The following PLCB1 variants were observed in gnomAD, a reference collection of about 807,000 sequenced individuals.
PLCB1 encodes the protein phospholipase C beta 1.
Under a neutral mutation model 161.8 loss-of-function variants are expected in PLCB1, and 46 were observed. That is an observed-to-expected ratio of 0.28 (90% CI 0.22 to 0.36). The LOEUF (loss-of-function observed/expected upper bound fraction) is 0.36, where lower values mean the gene tolerates loss of function less well. PLCB1 is among the 10% of genes least tolerant of loss of function. The pLI is 1.00. For missense variants in PLCB1, 1,016 were observed against 1,472.5 expected, an observed-to-expected ratio of 0.69 and a Z score of 5.07; for synonymous variants, 517 against 503.7, an observed-to-expected ratio of 1.03 and a Z score of -0.35.
At chr20:8,365,098 T>G (rs1986664217) in intron 2 of PLCB1, among the ~76,000 whole-genome samples, 1 of 152,202 alleles carries the variant, frequency 6.6e-6, no homozygotes, top group Non-Finnish European at 1.5e-5. Context: ...GCTTGCTAAG[T>G]GGAGATCTTA....
intron 9 of PLCB1, among the ~76,000 whole-genome samples, chr20:8,664,617 G>A (rs973663672): frequency 4.6e-5 from 7 of 152,158 alleles, no homozygotes; most frequent in African/African-American, 1.7e-4. Flanking sequence ...GTTGAAAAAC[G>A]GCAGAAACTT....
chr20:8,494,583 A>T (rs2122786855), intron 3 of PLCB1, among the ~76,000 whole-genome samples: 1 of 152,338 alleles, frequency 6.6e-6, no homozygotes, highest in South Asian at 2.1e-4. Context: ...AGAGGAGAGA[A>T]AAACAGGCTT....
chr20:8,756,527 A>G (rs943040637), intron 23 of PLCB1, among the ~76,000 whole-genome samples: 5 of 152,200 alleles, frequency 3.3e-5, no homozygotes, highest in African/African-American at 1.2e-4. Context: ...GATCCAGACC[A>G]GACTCATAGA....
chr20:8,747,447 G>C (rs1448192964), intron 23 of PLCB1, among the ~76,000 whole-genome samples: 1 of 152,174 alleles, frequency 6.6e-6, no homozygotes, highest in African/African-American at 2.4e-5. Context: ...AACATCGTCT[G>C]TTTCATCCTG....
intron 1 of PLCB1, among the ~76,000 whole-genome samples, chr20:8,144,758 A>G (rs926298775): frequency 2.0e-5 from 3 of 151,986 alleles, no homozygotes; most frequent in African/African-American, 7.3e-5. Flanking sequence ...CAGTGTCTCT[A>G]TTTGCTGTAT....
intron 18 of PLCB1, among the ~76,000 whole-genome samples, chr20:8,732,692 GA>G: frequency 7.1e-6 from 1 of 141,378 alleles, no homozygotes; most frequent in East Asian, 2.0e-4. Context: ...TTATATATTA[GA>G]ATGATATATT....
chr20:8,446,243 G>A (rs907269493), intron 3 of PLCB1, among the ~76,000 whole-genome samples: 1 of 152,158 alleles, frequency 6.6e-6, no homozygotes, highest in African/African-American at 2.4e-5. Context: ...GGGATGCAAG[G>A]CTGGTTCAAC....
chr20:8,293,867 A>C (rs1370591278), intron 2 of PLCB1, among the ~76,000 whole-genome samples: 1 of 152,166 alleles, frequency 6.6e-6, no homozygotes, highest in Non-Finnish European at 1.5e-5. Context: ...GTGAGTGGGC[A>C]CAGATGCCAT....
intron 31 of PLCB1, among the ~76,000 whole-genome samples, chr20:8,799,416 G>T (rs1274767960): frequency 6.6e-6 from 1 of 151,972 alleles, no homozygotes; most frequent in Non-Finnish European, 1.5e-5. Context: ...AAACCTTTTG[G>T]GTTTATTTCC....
At chr20:8,693,865 C>T (rs2123419665) in intron 10 of PLCB1, among the ~76,000 whole-genome samples, 1 of 152,270 alleles carries the variant, frequency 6.6e-6, no homozygotes, top group African/African-American at 2.4e-5. Flanking sequence ...AGAGCTGTGA[C>T]TTGGGGCAGT....
At chr20:8,521,037 A>G (rs1217543261) in intron 3 of PLCB1, among the ~76,000 whole-genome samples, 1 of 152,204 alleles carries the variant, frequency 6.6e-6, no homozygotes, top group Non-Finnish European at 1.5e-5. Context: ...AATAGCAGAT[A>G]TATCTAAGCT....
At chr20:8,307,582 G>A (rs6055726) in intron 2 of PLCB1, among the ~76,000 whole-genome samples, 1 of 151,926 alleles carries the variant, frequency 6.6e-6, no homozygotes, top group South Asian at 2.1e-4. Flanking sequence ...TTTTGGTTCA[G>A]CACTTCCCCA....
chr20:8,511,742 G>T (rs1983902687), intron 3 of PLCB1, among the ~76,000 whole-genome samples: 1 of 152,086 alleles, frequency 6.6e-6, no homozygotes, highest in African/African-American at 2.4e-5. Flanking sequence ...ATATCTCACT[G>T]TTGTTTTAAT....
At chr20:8,572,520 T>C (rs922949218) in intron 3 of PLCB1, among the ~76,000 whole-genome samples, 3 of 152,222 alleles carry the variant, frequency 2.0e-5, no homozygotes, top group African/African-American at 7.2e-5. Flanking sequence ...CCTGGAGATG[T>C]AACACTTTTA....
At chr20:8,495,657 G>A (rs1435639634) in intron 3 of PLCB1, among the ~76,000 whole-genome samples, 2 of 78,462 alleles carry the variant, frequency 2.5e-5, no homozygotes, top group African/African-American at 4.6e-5. Context: ...TTGGCCTTCC[G>A]AAGTGCTGGG....
chr20:8,818,447 T>A (rs1406019154), intron 31 of PLCB1, among the ~76,000 whole-genome samples: 3 of 152,130 alleles, frequency 2.0e-5, no homozygotes, highest in Non-Finnish European at 2.9e-5. Flanking sequence ...TTCAATGCAG[T>A]AAGACAAGAA....
intron 3 of PLCB1, among the ~76,000 whole-genome samples, chr20:8,563,892 A>G (rs774797614): frequency 1.5e-4 from 23 of 152,182 alleles, no homozygotes; most frequent in Non-Finnish European, 3.1e-4. Context: ...GATAGGAAGA[A>G]TCAATATTGT....
In PLCB1 at chr20:8,263,142, G is replaced by T. The variant is rs1981787879; in HGVS notation, c.178-108240G>T. ...TCTCTAAGCCTCAGTTTTGTCATCT[G>T]TTAGATGGGAATGAATGAGTTAATA... is the stretch of plus-strand genomic sequence containing the variant. On this transcript the variant is annotated intron_variant, in intron 2 of 31. Transcript: ENST00000338037. 3.9e-5 allele frequency among the ~76,000 whole-genome samples: 6 copies of T among 152,096 alleles called. No individual in the cohort carries two copies. The South Asian group carries it at 1.2e-3, about 32-fold the overall frequency.
rs551981784 is a variant in PLCB1, at chr20:8,530,271, T to C, written c.247-98023T>C. Among the ~76,000 whole-genome samples the C allele has an allele frequency of 1.6e-4, 25 of 152,234 alleles. 1 individual carries two copies. The South Asian group carries it at 3.7e-3, about 23-fold the overall frequency. On this transcript the variant is annotated intron_variant, in intron 3 of 31. Coordinates refer to ENST00000338037, the MANE Select transcript of PLCB1 (RefSeq NM_015192.4). The stretch of plus-strand genomic sequence containing the variant: ...TGTAGGTATTTGTCAGTTATATTTT[T>C]AAATGCCTAAATTGGATGCAGCATT...
Sources: allele counts gnomAD v4.1 joint callset (sites outside exome capture counted in the v4.1 genomes callset), GRCh38; gene constraint gnomAD v4.1.1; transcripts MANE v1.5; gene names NCBI Gene and HGNC (gene_info 2026-07-23, HGNC 2026-07-21).